Variants in FBP1 observed in about 807,000 individuals in gnomAD.
FBP1 encodes the protein fructose-bisphosphatase 1.
FBP1 carries 22 observed loss-of-function variants against 29.9 expected under a neutral mutation model. The observed-to-expected ratio is 0.74, with a 90% CI of 0.53 to 1.05. The LOEUF (loss-of-function observed/expected upper bound fraction) is 1.05. Ranked by LOEUF, FBP1 falls within the 50% of genes least tolerant of loss-of-function variation. FBP1 has a pLI of 0.00. For missense variants in FBP1, 345 were observed against 448.2 expected, an observed-to-expected ratio of 0.77 and a Z score of 2.08; for synonymous variants, 175 against 178.6, an observed-to-expected ratio of 0.98 and a Z score of 0.16.
At chr9:94,625,899 G>C (rs774045003) in intron 1 of FBP1, among the ~76,000 whole-genome samples, 9 of 152,000 alleles carry the variant, frequency 5.9e-5, no homozygotes, top group Non-Finnish European at 1.2e-4. Context: ...AGGACCCTCA[G>C]CACCTCCATG....
intron 1 of FBP1, among the ~76,000 whole-genome samples, chr9:94,628,711 A>C (rs998972587): frequency 6.6e-6 from 1 of 152,222 alleles, no homozygotes; most frequent in Non-Finnish European, 1.5e-5. Context: ...TGTGTGAATC[A>C]ATAGGTGGCT....
intron 3 of FBP1, among the ~76,000 whole-genome samples, chr9:94,616,338 A>G (rs928046132): frequency 1.3e-5 from 2 of 149,436 alleles, no homozygotes; most frequent in Non-Finnish European, 3.0e-5. Context: ...AATATATACT[A>G]TTCTCGTGAG....
Position 94,639,349 on chromosome 9 carries a change from G to T in FBP1, c.-39C>A. Reference sequence around the variant, plus strand: ...AGAGCGCGGGGCTGCAGGTGCAAGCGGCAGGTGCGGGGCTGCAGGTGCGGG... The same window carrying T: ...AGAGCGCGGGGCTGCAGGTGCAAGCTGCAGGTGCGGGGCTGCAGGTGCGGG... On this transcript the variant is annotated 5_prime_UTR_variant, in exon 1 of 7. Transcript: ENST00000375326. The T allele has an allele frequency of 1.3e-6, 2 of 1,582,902 alleles. No homozygotes were observed. Among genetic ancestry groups the T allele is most frequent in the Non-Finnish European group, 1.7e-6 (2 of 1,164,542 alleles).
At chr9:94,619,874 CAAAAAAAAAAAAAAAAA>C (rs56722632) in intron 2 of FBP1, among the ~76,000 whole-genome samples, 2 of 99,180 alleles carry the variant, frequency 2.0e-5, no homozygotes, top group African/African-American at 5.7e-5. Context: ...AACACTGTCT[CAAAAAAAAAAAAAAAAA>C]AAAAAAAAAA....
chr9:94,627,868 A>G (rs1828048007), intron 1 of FBP1, among the ~76,000 whole-genome samples: 1 of 152,204 alleles, frequency 6.6e-6, no homozygotes, highest in African/African-American at 2.4e-5. Flanking sequence ...CAATTAAAGG[A>G]GAGGAACAGG....
Position 94,621,147 on chromosome 9 carries a change from GA to G in FBP1, c.171-657del, listed in dbSNP as rs1827941315. On this transcript the variant is annotated intron_variant, in intron 1 of 6. Coordinates refer to ENST00000375326, the MANE Select transcript of FBP1 (RefSeq NM_000507.4). ...GAGAATGGCGTGAACCCAGGAGGCG[GA>G]GCTTGCAGTGAGCCGAGATCGTGCC... Among the ~76,000 whole-genome samples, 3 of 150,592 alleles carry G rather than the reference GA, an allele frequency of 2.0e-5. No homozygotes were observed. The South Asian group carries it at 6.3e-4, about 32-fold the overall frequency.
intron 2 of FBP1, among the ~76,000 whole-genome samples, chr9:94,620,127 G>A (rs538661005): frequency 3.3e-5 from 5 of 152,276 alleles, no homozygotes; most frequent in South Asian, 2.1e-4. Flanking sequence ...AGAAGGCGGC[G>A]TGAGCCACAA....
rs1388609291 is a variant in FBP1, at chr9:94,605,555, C to A, written c.727G>T (p.Ala243Ser). 1 of 1,613,836 alleles carries A rather than the reference C, an allele frequency of 6.2e-7. No homozygotes were observed. The highest frequency in any genetic ancestry group is 1.7e-5 in the Admixed American group (1 of 59,998). Residue 243 changes from alanine to serine, a missense_variant, in exon 6 of 7, where the codon GCC (alanine) becomes TCC (serine). Physicochemically the swap from Ala to Ser is moderately conservative, Grantham distance 99. Transcript: ENST00000375326. Reference protein sequence around the residue: ...FPPDNSAPYGARYVGSMVADV... With the variant: ...FPPDNSAPYGSRYVGSMVADV... ...GCCACCATGGAGCCCACATACCGGG[C>A]CCCATAAGGAGCTGAATTATCCTGC... is the stretch of plus-strand genomic sequence containing the variant.
chr9:94,618,455 T>TA lies in FBP1; in HGVS notation c.334-596dup, dbSNP rs59806476. ...GGGCAGCATAGAGAGACTCCTTCTG[T>TA]AAAAAAAAAAAAAAAAAAAAAAAAA... On this transcript the variant is annotated intron_variant, in intron 2 of 6. Transcript: ENST00000375326. Among the ~76,000 whole-genome samples the TA allele has an allele frequency of 7.6e-3, 569 of 74,594 alleles. 4 individuals are homozygous for TA. Among genetic ancestry groups the TA allele is most frequent in the Non-Finnish European group, 0.01 (413 of 41,018 alleles). The allele number at this position is 74,594 out of a possible 152,430, so 48.9% of individuals were successfully genotyped here. A position where few individuals can be genotyped will look rare whatever the true frequency, so the allele number is the denominator to read the frequency against.
At chr9:94,625,325 C>T (rs140943413) in intron 1 of FBP1, among the ~76,000 whole-genome samples, 46 of 152,230 alleles carry the variant, frequency 3.0e-4, no homozygotes, top group Middle Eastern at 3.4e-3. Flanking sequence ...GGTGGTACAC[C>T]GTTCACGATG....
intron 1 of FBP1, among the ~76,000 whole-genome samples, chr9:94,630,956 G>A (rs1331006607): frequency 6.6e-6 from 1 of 152,190 alleles, no homozygotes. Flanking sequence ...TTGATCTGGG[G>A]ATTGGGGGAA....
At chr9:94,606,693 T>C in intron 5 of FBP1, 122 bp downstream of exon 5, 1 of 948,232 alleles carries the variant, frequency 1.1e-6, no homozygotes, top group Non-Finnish European at 1.6e-6. Flanking sequence ...GAGCCCCACA[T>C]GAGGCCCAAG....
In FBP1 at chr9:94,639,236, G is replaced by A; in HGVS notation, c.75C>T (p.Ala25=). ...GCTGGGTCAACTCGCCCGTGCCGCG[G>A]GCCTTCCTGCCCTCCTCCATGACGA... is the stretch of plus-strand genomic sequence containing the variant. The part of the protein sequence containing the change: ...TRFVMEEGRK[A]RGTGELTQLL... The change falls in exon 1 of 7, where the codon GCC becomes GCT. Residue 25 remains alanine, a synonymous_variant. Transcript: ENST00000375326. 6.2e-7 allele frequency: 1 copy of A among 1,602,026 alleles called. No individual in the cohort carries two copies. Among genetic ancestry groups the A allele is most frequent in the Non-Finnish European group, 8.5e-7 (1 of 1,174,584 alleles).
At chr9:94,610,333 A>C (rs1480424305) in intron 3 of FBP1, among the ~76,000 whole-genome samples, 1 of 152,112 alleles carries the variant, frequency 6.6e-6, no homozygotes, top group Non-Finnish European at 1.5e-5. Context: ...TCTCTCCACT[A>C]TCAGTTCCAA....
intron 4 of FBP1, among the ~76,000 whole-genome samples, 192 bp from the exon 5 acceptor site, chr9:94,607,144 G>A (rs1025079246): frequency 1.3e-5 from 2 of 152,152 alleles, no homozygotes; most frequent in Non-Finnish European, 2.9e-5. Context: ...GCAAGACAAT[G>A]CTGCAGAAGC....
chr9:94,629,385 G>T (rs141696197), intron 1 of FBP1, among the ~76,000 whole-genome samples: 21 of 152,312 alleles, frequency 1.4e-4, no homozygotes, highest in African/African-American at 5.1e-4. Context: ...TGATATGGGG[G>T]CGCTTCTGGA....
At position 94,606,933 on chromosome 9, in the gene FBP1, A is replaced by T; in HGVS notation, c.587T>A (p.Leu196Ter). Residue 196 changes from leucine to a stop codon, truncating the protein, a stop_gained, in exon 5 of 7, where the codon TTG (leucine) becomes TAG (stop). Coordinates refer to ENST00000375326, the MANE Select transcript of FBP1 (RefSeq NM_000507.4). LOFTEE classifies it high-confidence loss of function. ...TTTTATCTTCACATCCTTGTCCACC[A>T]AAATGAACTCCCCGATGGCCTTTTT... is the stretch of plus-strand genomic sequence containing the variant. Reference protein sequence around the residue: ...MLDPAIGEFILVDKDVKIKKK... With the variant: ...MLDPAIGEFI 6.2e-7 allele frequency: 1 copy of T among 1,614,134 alleles called. No individual in the cohort carries two copies. Among genetic ancestry groups the T allele is most frequent in the Non-Finnish European group, 8.5e-7 (1 of 1,179,996 alleles).
intron 1 of FBP1, among the ~76,000 whole-genome samples, chr9:94,626,097 A>AC (rs765173116): frequency 2.8e-4 from 42 of 151,914 alleles, no homozygotes; most frequent in African/African-American, 9.9e-4. Context: ...TCTTCTCTTT[A>AC]CCCCCAGTAA....
At chr9:94,612,908 C>G (rs886302972) in intron 3 of FBP1, among the ~76,000 whole-genome samples, 1 of 152,170 alleles carries the variant, frequency 6.6e-6, no homozygotes, top group African/African-American at 2.4e-5. Context: ...ATATTCCATT[C>G]TCCTGCAGAT....
Sources: gnomAD v4.1 joint callset for allele counts (sites outside exome capture counted in the v4.1 genomes callset) on GRCh38, gnomAD v4.1.1 for gene constraint, MANE v1.5 for transcripts, NCBI Gene and HGNC (gene_info 2026-07-23, HGNC 2026-07-21) for gene names.